KALRN: variants seen among roughly 807,000 people sequenced by gnomAD.
KALRN encodes kalirin.
KALRN carries 70 observed loss-of-function variants against 353.7 expected under a neutral mutation model. That is an observed-to-expected ratio of 0.20 (90% CI 0.16 to 0.24). The LOEUF is 0.24. Among genes scored for constraint, KALRN ranks in the 10% least tolerant of loss-of-function variants. The pLI, the probability that KALRN is intolerant of heterozygous loss-of-function variation, is 1.00. For synonymous variants in KALRN, 1,391 were observed against 1,434.8 expected (o/e 0.97, Z 0.69); for missense variants, 2,791 against 3,756.7 (o/e 0.74, Z 6.72).
At chr3:124,246,532 G>C (rs1257564537) in intron 3 of KALRN, among the ~76,000 whole-genome samples, 3 of 150,822 alleles carry the variant, frequency 2.0e-5, no homozygotes, top group Non-Finnish European at 4.4e-5. Context: ...TGGTTGTGTA[G>C]TCAGTTCTGG....
chr3:124,590,423 G>A (rs996702274), intron 34 of KALRN, among the ~76,000 whole-genome samples: 4 of 152,088 alleles, frequency 2.6e-5, no homozygotes, highest in African/African-American at 9.7e-5. Flanking sequence ...TGCAAATTAT[G>A]ACTCTGTATC....
At chr3:124,405,258 T>C (rs899527486) in intron 13 of KALRN, among the ~76,000 whole-genome samples, 2 of 152,236 alleles carry the variant, frequency 1.3e-5, no homozygotes, top group African/African-American at 4.8e-5. Flanking sequence ...TCAGTAGAAC[T>C]GTCAAAAATC....
chr3:124,421,048 G>T (rs1032696163), intron 14 of KALRN, among the ~76,000 whole-genome samples: 19 of 152,170 alleles, frequency 1.2e-4, no homozygotes, highest in Non-Finnish European at 2.2e-4. Flanking sequence ...TTAGGATCCT[G>T]TTCTTCAGCA....
At chr3:124,462,786 T>C (rs546256833) in intron 25 of KALRN, 153 bp downstream of exon 25, 6 of 575,266 alleles carry the variant, frequency 1.0e-5, no homozygotes, top group Non-Finnish European at 1.9e-5. Flanking sequence ...TCACTCCCCT[T>C]TCTCCATAAT....
intron 25 of KALRN, among the ~76,000 whole-genome samples, chr3:124,471,256 T>TTTTTTTTTATTA (rs377604411): frequency 3.6e-5 from 5 of 138,824 alleles, no homozygotes; most frequent in African/African-American, 1.1e-4. Context: ...CCCACAAAGT[T>TTTTTTTTTATTA]TTATTATTAT....
intron 3 of KALRN, among the ~76,000 whole-genome samples, 169 bp downstream of exon 3, chr3:124,235,112 T>C (rs1189947569): frequency 6.6e-6 from 1 of 152,190 alleles, no homozygotes; most frequent in Non-Finnish European, 1.5e-5. Flanking sequence ...TTCCCATTGT[T>C]ACTGCTGAGA....
chr3:124,664,370 T>TGCACGC (rs1553719791), intron 45 of KALRN, among the ~76,000 whole-genome samples: 1 of 129,534 alleles, frequency 7.7e-6, no homozygotes, highest in African/African-American at 2.9e-5. Flanking sequence ...TGTGTGTGTG[T>TGCACGC]GCGCGCGCGC....
At chr3:124,313,280 A>G (rs2078467571) in intron 6 of KALRN, among the ~76,000 whole-genome samples, 1 of 151,750 alleles carries the variant, frequency 6.6e-6, no homozygotes, top group Admixed American at 6.6e-5. Flanking sequence ...GCAAACCCCC[A>G]CCCCCTGACA....
chr3:124,139,597 AG>A (rs1279904536), intron 1 of KALRN, among the ~76,000 whole-genome samples: 1 of 152,130 alleles, frequency 6.6e-6, no homozygotes, highest in Non-Finnish European at 1.5e-5. Flanking sequence ...GCAGAGCCTT[AG>A]GGCACAGTGA....
At chr3:124,592,783 G>T (rs1464780301) in intron 34 of KALRN, among the ~76,000 whole-genome samples, 4 of 152,226 alleles carry the variant, frequency 2.6e-5, no homozygotes, top group Non-Finnish European at 4.4e-5. Context: ...TTTGCTCTTG[G>T]CAGAACTGTG....
At chr3:124,061,748 T>C (rs1339446256) in intron 1 of KALRN, among the ~76,000 whole-genome samples, 1 of 152,182 alleles carries the variant, frequency 6.6e-6, no homozygotes, top group Non-Finnish European at 1.5e-5. Flanking sequence ...AGGTTTGGTG[T>C]GAGTACCTTT....
At chr3:124,589,710 T>C (rs2075579940) in intron 34 of KALRN, among the ~76,000 whole-genome samples, 1 of 152,202 alleles carries the variant, frequency 6.6e-6, no homozygotes, top group Non-Finnish European at 1.5e-5. Context: ...GGAAACTGAA[T>C]TGATTATTTA....
At chr3:124,491,250 C>A in intron 30 of KALRN, 73 bp from the exon 31 acceptor site, 1 of 1,038,892 alleles carries the variant, frequency 9.6e-7, no homozygotes, top group Non-Finnish European at 1.4e-6. Context: ...TTGCCTTTCC[C>A]TTCCCACCCC....
chr3:124,562,247 C>T (rs931013485), intron 33 of KALRN, among the ~76,000 whole-genome samples: 3 of 152,086 alleles, frequency 2.0e-5, no homozygotes, highest in African/African-American at 7.2e-5. Flanking sequence ...CTCGTAGCCT[C>T]GATTTTAGGC....
At chr3:124,465,152 A>G (rs2060211128) in intron 25 of KALRN, among the ~76,000 whole-genome samples, 3 of 152,106 alleles carry the variant, frequency 2.0e-5, no homozygotes, top group Admixed American at 1.3e-4. Context: ...GGCTGTCTTT[A>G]CTGTACTCAT....
chr3:124,183,967 C>T (rs1469855089), intron 1 of KALRN, among the ~76,000 whole-genome samples: 1 of 152,158 alleles, frequency 6.6e-6, no homozygotes, highest in Non-Finnish European at 1.5e-5. Context: ...TAATGAATGC[C>T]ATAATCACCA....
At chr3:124,081,082 C>T (rs1015048596) in intron 1 of KALRN, among the ~76,000 whole-genome samples, 1 of 152,142 alleles carries the variant, frequency 6.6e-6, no homozygotes, top group African/African-American at 2.4e-5. Flanking sequence ...ATCTCATATA[C>T]AAGAGTTTCA....
intron 5 of KALRN, among the ~76,000 whole-genome samples, chr3:124,283,775 T>C (rs1280602755): frequency 6.6e-6 from 1 of 151,914 alleles, no homozygotes; most frequent in Non-Finnish European, 1.5e-5. Flanking sequence ...TAGCATTGAG[T>C]GTGTGCTTCT....
intron 1 of KALRN, among the ~76,000 whole-genome samples, chr3:124,051,526 C>T (rs1209499147): frequency 6.6e-6 from 1 of 152,086 alleles, no homozygotes; most frequent in East Asian, 1.9e-4. Flanking sequence ...TAAATAAGAC[C>T]AATTTTAGTC....
Sources: gnomAD v4.1 joint callset for allele counts (sites outside exome capture counted in the v4.1 genomes callset) on GRCh38, gnomAD v4.1.1 for gene constraint, MANE v1.5 for transcripts, NCBI Gene and HGNC (gene_info 2026-07-23, HGNC 2026-07-21) for gene names.